MAP2: variants seen among roughly 807,000 people sequenced by gnomAD.
MAP2 encodes microtubule-associated protein 2.
Under a neutral mutation model 137.6 loss-of-function variants are expected in MAP2, and 14 were observed. The ratio of observed to expected loss-of-function variants is 0.10; its 90% CI spans 0.07 to 0.16. MAP2 has a LOEUF of 0.16. MAP2 is among the 10% of genes least tolerant of loss of function. MAP2 has a pLI of 1.00. For missense variants in MAP2, 2,088 were observed against 2,191.5 expected, an observed-to-expected ratio of 0.95 and a Z score of 0.94; for synonymous variants, 786 against 782.3, an observed-to-expected ratio of 1.00 and a Z score of -0.08.
intron 2 of MAP2, among the ~76,000 whole-genome samples, chr2:209,515,954 A>C (rs888379434): frequency 2.0e-5 from 3 of 151,770 alleles, no homozygotes; most frequent in African/African-American, 7.3e-5. Context: ...TGCCAAGCTA[A>C]ATTTTTTTTC....
chr2:209,710,398 A>G, intron 13 of MAP2, 144 bp downstream of exon 13: 1 of 693,560 alleles, frequency 1.4e-6, no homozygotes, highest in Non-Finnish European at 2.4e-6. Context: ...TGGACTTTAC[A>G]TTAGGAAGAT....
At chr2:209,432,636 C>T (rs190594623) in intron 1 of MAP2, among the ~76,000 whole-genome samples, 1 of 152,238 alleles carries the variant, frequency 6.6e-6, no homozygotes, top group East Asian at 1.9e-4. Flanking sequence ...TGTAATATGT[C>T]TTAATTCTCT....
chr2:209,565,879 T>C (rs2073297604), intron 2 of MAP2, among the ~76,000 whole-genome samples: 1 of 152,226 alleles, frequency 6.6e-6, no homozygotes, highest in Admixed American at 6.5e-5. Context: ...TAATCAAAAA[T>C]GCTACCTTTG....
chr2:209,653,203 A>G lies in MAP2; in HGVS notation c.33A>G (p.Ala11=). The change falls in exon 5 of 16, where the codon GCA becomes GCG. Residue 11 remains alanine (A), a synonymous_variant. Transcript: ENST00000682079. The part of the protein sequence containing the change: MADERKDEAK[A]PHWTSAPLTE... ...ATGAACGGAAAGATGAAGCAAAGGCACCTCACTGGACCTCAGCACCGCTAA... is the reference window on the plus strand; with the variant it reads ...ATGAACGGAAAGATGAAGCAAAGGCGCCTCACTGGACCTCAGCACCGCTAA... 1 of 1,607,836 alleles carries G rather than the reference A, an allele frequency of 6.2e-7. No individual in the cohort carries two copies. Among genetic ancestry groups the G allele is most frequent in the Non-Finnish European group, 8.5e-7 (1 of 1,177,874 alleles).
Position 209,566,699 on chromosome 2 carries a change from G to A in MAP2, c.-171-13337G>A, listed in dbSNP as rs13386656. On this transcript the variant is annotated intron_variant, in intron 2 of 15. Coordinates refer to ENST00000682079, the MANE Select transcript of MAP2 (RefSeq NM_001375505.1). ...CTATTTTATCATCTTCACAACCCCC[G>A]TTTGTTTCTTTGTTTTTTTGTTGTT... Among the ~76,000 whole-genome samples, 1,313 of 152,036 alleles carry A rather than the reference G, an allele frequency of 8.6e-3. 18 individuals are homozygous for A. The highest frequency in any genetic ancestry group is 0.03 in the African/African-American group (1,249 of 41,482).
In MAP2 at chr2:209,687,651, G is replaced by A. The variant is rs146527312; in HGVS notation, c.455-4974G>A. 5.1e-3 allele frequency among the ~76,000 whole-genome samples: 774 copies of A among 151,984 alleles called. 12 individuals carry two copies. The highest frequency in any genetic ancestry group is 0.017 in the African/African-American group (723 of 41,422). On this transcript the variant is annotated intron_variant, in intron 7 of 15. Coordinates refer to ENST00000682079, the MANE Select transcript of MAP2 (RefSeq NM_001375505.1). ...CTGCCCTTGTGTAGGTGTTTGTTTC[G>A]TCCGTCTGATCTTGTGTCTGTGTTG...
At chr2:209,440,846 A>G (rs1697584521) in intron 1 of MAP2, among the ~76,000 whole-genome samples, 1 of 151,474 alleles carries the variant, frequency 6.6e-6, no homozygotes, top group African/African-American at 2.4e-5. Flanking sequence ...GTAAAAGACA[A>G]TCCCACATCC....
intron 7 of MAP2, among the ~76,000 whole-genome samples, chr2:209,685,136 A>G (rs2056520145): frequency 6.6e-6 from 1 of 152,152 alleles, no homozygotes; most frequent in African/African-American, 2.4e-5. Context: ...CAGAATGCAA[A>G]TCCAAATCTA....
At chr2:209,718,027 T>G (rs1470256404) in intron 13 of MAP2, among the ~76,000 whole-genome samples, 2 of 152,220 alleles carry the variant, frequency 1.3e-5, no homozygotes, top group Non-Finnish European at 2.9e-5. Context: ...TTGTTTGTTT[T>G]GTTTTGTTTT....
intron 3 of MAP2, among the ~76,000 whole-genome samples, chr2:209,591,265 T>C (rs1157952604): frequency 6.6e-6 from 1 of 152,164 alleles, no homozygotes; most frequent in Non-Finnish European, 1.5e-5. Flanking sequence ...TCTGGAGACA[T>C]TTTGGATTGT....
At chr2:209,614,662 G>A (rs1009297402) in intron 3 of MAP2, among the ~76,000 whole-genome samples, 1 of 152,054 alleles carries the variant, frequency 6.6e-6, no homozygotes, top group Non-Finnish European at 1.5e-5. Context: ...TTTAAAATGC[G>A]TTATTACAAG....
chr2:209,592,620 AG>A (rs1022227886), intron 3 of MAP2, among the ~76,000 whole-genome samples: 1 of 152,218 alleles, frequency 6.6e-6, no homozygotes, highest in African/African-American at 2.4e-5. Flanking sequence ...ATTACATTTT[AG>A]CATCCAGTGT....
rs1205496239 is a variant in MAP2, at chr2:209,730,810, C to A, written c.*413C>A. The A allele has an allele frequency of 6.3e-6, 1 of 159,992 alleles. No individual in the cohort carries two copies. The highest frequency in any genetic ancestry group is 1.8e-4 in the East Asian group (1 of 5,474). The allele number at this position is 159,992 out of a possible 1,614,324, so 9.9% of individuals were successfully genotyped here. A position where few individuals can be genotyped will look rare whatever the true frequency, so the allele number is the denominator to read the frequency against. ...AAAAACTGCCCATTGTAACTTATTT[C>A]AGGTTAAATTAAACCAAGGAGTCTG... On this transcript the variant is annotated 3_prime_UTR_variant, in exon 16 of 16. Coordinates refer to ENST00000682079, the MANE Select transcript of MAP2 (RefSeq NM_001375505.1).
chr2:209,612,859 G>A (rs1444509396), intron 3 of MAP2, among the ~76,000 whole-genome samples: 1 of 152,122 alleles, frequency 6.6e-6, no homozygotes, highest in Non-Finnish European at 1.5e-5. Flanking sequence ...ACTTCCTTTG[G>A]ATAGTTAAGG....
intron 1 of MAP2, among the ~76,000 whole-genome samples, chr2:209,450,045 G>T (rs1295177223): frequency 1.3e-5 from 2 of 152,142 alleles, no homozygotes; most frequent in South Asian, 4.1e-4. Context: ...AGGTTCAAGT[G>T]ATTCTCCTGC....
intron 1 of MAP2, among the ~76,000 whole-genome samples, chr2:209,494,432 TAAA>T (rs34659853): frequency 7.4e-6 from 1 of 135,662 alleles, no homozygotes. Context: ...AAAGTATAAT[TAAA>T]AAAAAAAAAA....
rs536222063 is a variant in MAP2, at chr2:209,591,521, G to A, written c.-107+11421G>A. ...TTAAACAGTACTTATCATAGAATAG[G>A]TATATATTTGAATGAGAGTTGAATG... On this transcript the variant is annotated intron_variant, in intron 3 of 15. Coordinates refer to ENST00000682079, the MANE Select transcript of MAP2 (RefSeq NM_001375505.1). Among the ~76,000 whole-genome samples the A allele has an allele frequency of 5.3e-5, 8 of 152,220 alleles. No homozygotes were observed. In the South Asian group the frequency reaches 1.2e-3, roughly 24 times the overall value.
rs1319370921 is a variant in MAP2 at position 209,696,290 on chromosome 2, G to T, written c.4120G>T (p.Asp1374Tyr). 2.5e-6 allele frequency: 4 copies of T among 1,600,582 alleles called. No homozygotes were observed. The highest frequency in any genetic ancestry group is 1.8e-5 in the Admixed American group (1 of 56,526). ...YKTETYDDYKDETTIDDSIMD... is the reference protein window; with the variant it reads ...YKTETYDDYKYETTIDDSIMD... ...GACAGAAACCTATGACGATTACAAA[G>T]ATGAGACCACCATTGACGACTCCAT... Residue 1374 changes from aspartate (D) to tyrosine (Y), a missense_variant, in exon 8 of 16, where the codon GAT becomes TAT. This residue lies in a region of MAP2 where 591 missense variants were observed against 642.6 expected (regional missense o/e 0.92). Coordinates refer to ENST00000682079, the MANE Select transcript of MAP2 (RefSeq NM_001375505.1).
chr2:209,532,489 G>T (rs2065271191), intron 2 of MAP2, among the ~76,000 whole-genome samples: 1 of 152,122 alleles, frequency 6.6e-6, no homozygotes, highest in African/African-American at 2.4e-5. Flanking sequence ...AACTGAGATT[G>T]AGTCAAGTTA....
Sources: allele counts gnomAD v4.1 joint callset (sites outside exome capture counted in the v4.1 genomes callset), GRCh38; gene constraint gnomAD v4.1.1; regional missense constraint gnomAD v4.1.1; transcripts MANE v1.5; gene names NCBI Gene and HGNC (gene_info 2026-07-23, HGNC 2026-07-21).